Variants in CYSLTR1 observed in about 807,000 individuals in gnomAD.
CYSLTR1 encodes the protein cysteinyl leukotriene receptor 1, also known as G-protein coupled receptor HG55.
A neutral mutation model predicts 2.1 loss-of-function variants in CYSLTR1; 1 was observed. The observed-to-expected ratio is 0.48, with a 90% CI of 0.17 to 2.28. CYSLTR1 has a LOEUF of 2.28. CYSLTR1 is among the 30% of genes most tolerant of loss of function. CYSLTR1 has a pLI of 0.26. For synonymous variants in CYSLTR1, 110 were observed against 89.6 expected, an observed-to-expected ratio of 1.23 and a Z score of -1.28; for missense variants, 299 against 250.1, an observed-to-expected ratio of 1.20 and a Z score of -1.32.
In CYSLTR1 at chrX:78,272,585, G is replaced by T. The variant is rs1040034306; in HGVS notation, c.*148C>A. The stretch of plus-strand genomic sequence containing the variant: ...AATATCTATAAATATCTAATCATGT[G>T]GATGCATAAATGAGATAGAGTTGTA... On this transcript the variant is annotated 3_prime_UTR_variant, in exon 3 of 3. Coordinates refer to ENST00000373304, the MANE Select transcript of CYSLTR1 (RefSeq NM_006639.4). The T allele has an allele frequency of 1.1e-5, 5 of 476,137 alleles. No individual in the cohort carries two copies. The highest frequency in any genetic ancestry group is 5.3e-5 in the Admixed American group (1 of 18,934). The allele number at this position is 476,137 out of a possible 1,213,427, so 39.2% of individuals were successfully genotyped here. A position where few individuals can be genotyped will look rare whatever the true frequency, so the allele number is the denominator to read the frequency against.
At position 78,283,438 on chromosome X, in the gene CYSLTR1, G is replaced by A. The variant is rs200993754; in HGVS notation, c.-28+16C>T. 8.9e-6 allele frequency: 1 copy of A among 112,532 alleles called. No homozygotes were observed. Among genetic ancestry groups the A allele is most frequent in the Non-Finnish European group, 1.9e-5 (1 of 53,308 alleles). The allele number at this position is 112,532 out of a possible 1,213,427, so 9.3% of individuals were successfully genotyped here. On this transcript the variant is annotated intron_variant, in intron 2 of 2. Transcript: ENST00000373304. ...AAGTTGAAAAAGCAAAGTTCATTTGGAAAATTCAGGTATACCTCTTTCTGG... is the reference window on the plus strand; with the variant it reads ...AAGTTGAAAAAGCAAAGTTCATTTGAAAAATTCAGGTATACCTCTTTCTGG...
intron 1 of CYSLTR1, among the ~76,000 whole-genome samples, chrX:78,286,401 C>T (rs1204349357): frequency 3.6e-5 from 4 of 111,988 alleles, no homozygotes; most frequent in African/African-American, 1.3e-4. Flanking sequence ...GATAAAGCTT[C>T]CACAAACATT....
In CYSLTR1 at chrX:78,322,217, T is replaced by G. The variant is rs186223683; in HGVS notation, c.-115+5088A>C. ...TATTGTCAAATGAAAAAAAGTTGGTTGTGCCATCCTGTAATTCTGAGCTCA... is the reference window on the plus strand; with the variant it reads ...TATTGTCAAATGAAAAAAAGTTGGTGGTGCCATCCTGTAATTCTGAGCTCA... On this transcript the variant is annotated intron_variant, in intron 1 of 2. Coordinates refer to ENST00000373304, the MANE Select transcript of CYSLTR1 (RefSeq NM_006639.4). 8.3e-4 allele frequency among the ~76,000 whole-genome samples: 93 copies of G among 112,004 alleles called. 1 individual carries two copies. Among genetic ancestry groups the G allele is most frequent in the African/African-American group, 2.6e-3 (80 of 30,789 alleles).
chrX:78,279,058 T>G (rs1264639545), intron 2 of CYSLTR1, among the ~76,000 whole-genome samples: 1 of 111,898 alleles, frequency 8.9e-6, no homozygotes, highest in Non-Finnish European at 1.9e-5. Context: ...TACCAAAGAT[T>G]TCATGACGAA....
chrX:78,318,064 T>C, intron 1 of CYSLTR1, among the ~76,000 whole-genome samples: 1 of 112,463 alleles, frequency 8.9e-6, no homozygotes, highest in Non-Finnish European at 1.9e-5. Context: ...TAAATTCTTC[T>C]ATTATAAGGA....
At chrX:78,274,169 A>T (rs1291619270) in intron 2 of CYSLTR1, among the ~76,000 whole-genome samples, 17 of 111,676 alleles carry the variant, frequency 1.5e-4, no homozygotes, top group Non-Finnish European at 3.8e-5. Flanking sequence ...CTATATTTAT[A>T]CCTATTTATT....
At position 78,272,915 on chromosome X, in the gene CYSLTR1, C is replaced by T. The variant is rs760797301; in HGVS notation, c.832G>A (p.Val278Ile). Residue 278 changes from valine to isoleucine, a missense_variant, in exon 3 of 3, where the codon GTC becomes ATC. Val to Ile is a conservative substitution (Grantham distance 29, BLOSUM62 3). Coordinates refer to ENST00000373304, the MANE Select transcript of CYSLTR1 (RefSeq NM_006639.4). Reference protein sequence around the residue: ...DSVLRMQKSVVITLSLAASNC... With the variant: ...DSVLRMQKSVIITLSLAASNC... Reference sequence around the variant, plus strand: ...GATGCAGCCAGAGACAAGGTTATGACCACGGACTTCTGCATTCTAAGGACA... The same window carrying T: ...GATGCAGCCAGAGACAAGGTTATGATCACGGACTTCTGCATTCTAAGGACA... 3 of 1,209,035 alleles carry T rather than the reference C, an allele frequency of 2.5e-6. No individual in the cohort carries two copies. Among genetic ancestry groups the T allele is most frequent in the East Asian group, 5.9e-5 (2 of 33,782 alleles).
chrX:78,289,955 C>G (rs1461650645), intron 1 of CYSLTR1, among the ~76,000 whole-genome samples: 1 of 111,716 alleles, frequency 9.0e-6, no homozygotes, highest in Non-Finnish European at 1.9e-5. Context: ...TGTGCAGAAG[C>G]TCTTTAGTTT....
chrX:78,285,462 TTA>T (rs1922029639), intron 1 of CYSLTR1, among the ~76,000 whole-genome samples: 1 of 109,661 alleles, frequency 9.1e-6, no homozygotes, highest in South Asian at 3.9e-4. Context: ...GATCCTGAAA[TTA>T]TATGATTCTA....
At chrX:78,274,347 G>T (rs1921470964) in intron 2 of CYSLTR1, among the ~76,000 whole-genome samples, 1 of 110,822 alleles carries the variant, frequency 9.0e-6, no homozygotes, top group African/African-American at 3.3e-5. Context: ...AAACAGCATG[G>T]TACTGGTACC....
chrX:78,293,702 T>G (rs1325575709), intron 1 of CYSLTR1, among the ~76,000 whole-genome samples: 1 of 111,694 alleles, frequency 9.0e-6, no homozygotes, highest in Non-Finnish European at 1.9e-5. Flanking sequence ...TTCTCTAAAC[T>G]TCTCTTCTTG....
chrX:78,322,122 G>A (rs1250835748), intron 1 of CYSLTR1, among the ~76,000 whole-genome samples: 2 of 111,055 alleles, frequency 1.8e-5, no homozygotes, highest in Non-Finnish European at 3.8e-5. Flanking sequence ...AGAGGGTGCA[G>A]CTCAGTGGAG....
intron 1 of CYSLTR1, among the ~76,000 whole-genome samples, chrX:78,306,998 A>G (rs900134546): frequency 3.6e-5 from 4 of 112,254 alleles, no homozygotes; most frequent in Non-Finnish European, 7.5e-5. Flanking sequence ...TACAAGGATT[A>G]AAACTTTTAA....
chrX:78,304,674 C>T (rs1207852648), intron 1 of CYSLTR1, among the ~76,000 whole-genome samples: 2 of 110,964 alleles, frequency 1.8e-5, no homozygotes, highest in Non-Finnish European at 3.8e-5. Context: ...AAGGAACTCC[C>T]CAAACCTCCG....
chrX:78,283,814 C>T (rs1179697299), intron 1 of CYSLTR1, among the ~76,000 whole-genome samples: 2 of 112,193 alleles, frequency 1.8e-5, no homozygotes, highest in African/African-American at 3.2e-5. Flanking sequence ...AATGAACACA[C>T]TATTATAAAA....
chrX:78,299,494 G>GT (rs1188788337), intron 1 of CYSLTR1, among the ~76,000 whole-genome samples: 92 of 105,498 alleles, frequency 8.7e-4, no homozygotes, highest in African/African-American at 1.3e-3. Context: ...AAATTTCTCA[G>GT]TTTTTTTTTT....
intron 1 of CYSLTR1, among the ~76,000 whole-genome samples, chrX:78,285,895 TG>T (rs969833908): frequency 1.8e-5 from 2 of 111,923 alleles, no homozygotes; most frequent in African/African-American, 6.5e-5. Flanking sequence ...CATTGTTATC[TG>T]GGTGATAGGG....
intron 1 of CYSLTR1, among the ~76,000 whole-genome samples, chrX:78,314,016 T>A (rs756728448): frequency 9.0e-6 from 1 of 111,443 alleles, no homozygotes; most frequent in Admixed American, 9.5e-5. Flanking sequence ...TCACAGTATA[T>A]GGGATGTAGA....
At chrX:78,303,405 G>A (rs1922901247) in intron 1 of CYSLTR1, among the ~76,000 whole-genome samples, 1 of 56,299 alleles carries the variant, frequency 1.8e-5, no homozygotes, top group Non-Finnish European at 3.3e-5. Flanking sequence ...CTGATTTTTG[G>A]TTCTTACAAA....
Sources: gnomAD v4.1 joint callset for allele counts (sites outside exome capture counted in the v4.1 genomes callset) on GRCh38, gnomAD v4.1.1 for gene constraint, MANE v1.5 for transcripts, NCBI Gene and HGNC (gene_info 2026-07-23, HGNC 2026-07-21) for gene names.